SKAP1: variants seen among roughly 807,000 people sequenced by gnomAD.
SKAP1 encodes the protein src kinase-associated phosphoprotein 1.
A neutral mutation model predicts 58.5 loss-of-function variants in SKAP1; 44 were observed. That is an observed-to-expected ratio of 0.75 (90% CI 0.59 to 0.97). The LOEUF (loss-of-function observed/expected upper bound fraction) is 0.97, where lower values mean the gene tolerates loss of function less well. Among genes scored for constraint, SKAP1 ranks in the 50% least tolerant of loss-of-function variants. The pLI is 0.00. For missense variants in SKAP1, 390 were observed against 435.2 expected (o/e 0.90, Z 0.92); for synonymous variants, 127 against 149.7 (o/e 0.85, Z 1.11).
At chr17:48,172,456 A>C (rs1462390666) in intron 9 of SKAP1, among the ~76,000 whole-genome samples, 1 of 152,230 alleles carries the variant, frequency 6.6e-6, no homozygotes, top group Non-Finnish European at 1.5e-5. Flanking sequence ...TATGTGTACC[A>C]GAATCATATT....
chr17:48,407,384 C>T (rs946575110), intron 1 of SKAP1, among the ~76,000 whole-genome samples: 1 of 152,170 alleles, frequency 6.6e-6, no homozygotes, highest in African/African-American at 2.4e-5. Context: ...TCTAACAGTG[C>T]TCTCTGGATT....
chr17:48,185,703 C>T lies in SKAP1; in HGVS notation c.443-856G>A, dbSNP rs535934009. 5.9e-5 allele frequency among the ~76,000 whole-genome samples: 9 copies of T among 151,864 alleles called. No individual in the cohort carries two copies. The South Asian group carries it at 6.2e-4, about 11-fold the overall frequency. ...GATAATGATGACAAGGATGGCAGTG[C>T]GATGCCAATATTAAAAAAGAAAGAA... On this transcript the variant is annotated intron_variant, in intron 6 of 12. Transcript: ENST00000336915.
At chr17:48,280,343 G>A (rs1236634385) in intron 4 of SKAP1, among the ~76,000 whole-genome samples, 4 of 151,846 alleles carry the variant, frequency 2.6e-5, no homozygotes, top group East Asian at 1.9e-4. Context: ...GGTGGTGGGC[G>A]CCTGTAATTC....
chr17:48,222,631 C>T (rs2143734828), intron 4 of SKAP1, among the ~76,000 whole-genome samples: 2 of 152,006 alleles, frequency 1.3e-5, no homozygotes, highest in Middle Eastern at 3.4e-3. Flanking sequence ...AGGCCCCTGC[C>T]ACCACACTTG....
intron 1 of SKAP1, among the ~76,000 whole-genome samples, chr17:48,399,762 C>A (rs1413183866): frequency 4.8e-4 from 64 of 134,226 alleles, no homozygotes; most frequent in Middle Eastern, 3.7e-3. Context: ...ACTCTTGTCT[C>A]AAAAAAAAAA....
chr17:48,393,756 T>C (rs569553294), intron 2 of SKAP1, among the ~76,000 whole-genome samples: 37 of 152,244 alleles, frequency 2.4e-4, no homozygotes, highest in African/African-American at 8.9e-4. Flanking sequence ...ACTAGGAAGT[T>C]GTAAAATATA....
chr17:48,194,115 T>G (rs1229314612), intron 4 of SKAP1, among the ~76,000 whole-genome samples: 3 of 152,140 alleles, frequency 2.0e-5, no homozygotes, highest in Non-Finnish European at 2.9e-5. Context: ...TACACTTAAC[T>G]AAACCTCTCA....
At chr17:48,415,888 C>A (rs1343058913) in intron 1 of SKAP1, among the ~76,000 whole-genome samples, 2 of 152,108 alleles carry the variant, frequency 1.3e-5, no homozygotes, top group East Asian at 3.8e-4. Flanking sequence ...ACTCCCCCAA[C>A]TAACAAGAGG....
chr17:48,141,373 G>GGTTTTT (rs3049680), intron 11 of SKAP1, among the ~76,000 whole-genome samples: 116,932 of 148,652 alleles, frequency 0.79, 46,630 homozygotes, highest in African/African-American at 0.86. Flanking sequence ...CTTGTTAACT[G>GGTTTTT]GTTTTTGTTT....
chr17:48,139,907 T>G (rs183895529), intron 11 of SKAP1, among the ~76,000 whole-genome samples: 1 of 152,284 alleles, frequency 6.6e-6, no homozygotes, highest in Non-Finnish European at 1.5e-5. Flanking sequence ...CAACACGCAC[T>G]TGCAACCCTC....
chr17:48,361,309 G>A (rs1029698972), intron 3 of SKAP1, among the ~76,000 whole-genome samples: 1 of 150,882 alleles, frequency 6.6e-6, no homozygotes, highest in African/African-American at 2.4e-5. Flanking sequence ...AGGTTCAAGC[G>A]ACTCTCCTGC....
intron 4 of SKAP1, among the ~76,000 whole-genome samples, chr17:48,272,323 G>A (rs1006460338): frequency 5.9e-5 from 9 of 151,704 alleles, no homozygotes; most frequent in African/African-American, 2.2e-4. Flanking sequence ...ATAGAGACGG[G>A]GTTTCACCAT....
At chr17:48,373,911 A>G (rs2067120378) in intron 2 of SKAP1, among the ~76,000 whole-genome samples, 1 of 152,226 alleles carries the variant, frequency 6.6e-6, no homozygotes, top group East Asian at 1.9e-4. Flanking sequence ...AAGTATTAAA[A>G]GTGTTATTTT....
chr17:48,155,159 G>T (rs182135715), intron 11 of SKAP1, among the ~76,000 whole-genome samples: 1 of 151,412 alleles, frequency 6.6e-6, no homozygotes, highest in East Asian at 2.0e-4. Context: ...ATGGAGTCTC[G>T]CTCTGTCATC....
intron 3 of SKAP1, among the ~76,000 whole-genome samples, chr17:48,357,557 G>A (rs1469386906): frequency 6.6e-6 from 1 of 152,102 alleles, no homozygotes; most frequent in African/African-American, 2.4e-5. Flanking sequence ...TTGAACCCAG[G>A]AGGCAGAGCT....
At chr17:48,215,193 A>G (rs1414946541) in intron 4 of SKAP1, among the ~76,000 whole-genome samples, 3 of 152,180 alleles carry the variant, frequency 2.0e-5, no homozygotes, top group Non-Finnish European at 4.4e-5. Flanking sequence ...CTATAGATCT[A>G]TATCTAAAAT....
intron 4 of SKAP1, among the ~76,000 whole-genome samples, chr17:48,198,402 C>T (rs2064672839): frequency 7.6e-6 from 1 of 131,122 alleles, no homozygotes; most frequent in Non-Finnish European, 1.5e-5. Context: ...TTGCAGTGAG[C>T]CGAGATGGCG....
intron 11 of SKAP1, among the ~76,000 whole-genome samples, chr17:48,157,536 C>CT (rs35277314): frequency 0.53 from 72,973 of 137,108 alleles, 19,754 homozygotes; most frequent in East Asian, 0.76. Flanking sequence ...TGCCCGGCCT[C>CT]TTTTTTTTTT....
intron 4 of SKAP1, among the ~76,000 whole-genome samples, chr17:48,221,920 C>G (rs926214832): frequency 6.6e-6 from 1 of 152,140 alleles, no homozygotes; most frequent in Non-Finnish European, 1.5e-5. Flanking sequence ...GTCTCTGTTG[C>G]CCACTCCTCC....
Sources: allele counts gnomAD v4.1 joint callset (sites outside exome capture counted in the v4.1 genomes callset), GRCh38; gene constraint gnomAD v4.1.1; transcripts MANE v1.5; gene names NCBI Gene and HGNC (gene_info 2026-07-23, HGNC 2026-07-21).